ANKS1B: variants seen among roughly 807,000 people sequenced by gnomAD.
ANKS1B encodes the protein ankyrin repeat and sterile alpha motif domain-containing protein 1B.
A neutral mutation model predicts 148.3 loss-of-function variants in ANKS1B; 36 were observed. The observed-to-expected ratio is 0.24, with a 90% CI of 0.19 to 0.32. The LOEUF is 0.32. Ranked by LOEUF, ANKS1B falls within the 10% of genes least tolerant of loss-of-function variation. The pLI, the probability that ANKS1B is intolerant of heterozygous loss-of-function variation, is 1.00. For missense variants in ANKS1B, 1,157 were observed against 1,542.6 expected (o/e 0.75, Z 4.19); for synonymous variants, 542 against 560.8 (o/e 0.97, Z 0.47).
intron 9 of ANKS1B, among the ~76,000 whole-genome samples, chr12:98,737,297 T>C (rs1420076822): frequency 2.6e-5 from 4 of 152,226 alleles, no homozygotes; most frequent in African/African-American, 9.6e-5. Flanking sequence ...TTCTCTTCTG[T>C]AGCTTTGTGT....
intron 16 of ANKS1B, among the ~76,000 whole-genome samples, chr12:99,084,355 C>T (rs1364375592): frequency 1.3e-5 from 2 of 152,118 alleles, no homozygotes; most frequent in Non-Finnish European, 1.5e-5. Flanking sequence ...TATTAGGACT[C>T]TCACTGAAGA....
At chr12:99,069,739 T>C (rs1364198088) in intron 16 of ANKS1B, among the ~76,000 whole-genome samples, 1 of 152,240 alleles carries the variant, frequency 6.6e-6, no homozygotes, top group African/African-American at 2.4e-5. Flanking sequence ...ATCTATTAAC[T>C]GAATGTCTAT....
chr12:99,882,420 A>G (rs1220087234), intron 1 of ANKS1B, among the ~76,000 whole-genome samples: 1 of 152,220 alleles, frequency 6.6e-6, no homozygotes, highest in Non-Finnish European at 1.5e-5. Flanking sequence ...AGTTCAGTGA[A>G]CTCCAAAAAG....
intron 17 of ANKS1B, among the ~76,000 whole-genome samples, chr12:98,876,164 T>C (rs532390538): frequency 3.2e-4 from 48 of 152,318 alleles, no homozygotes; most frequent in African/African-American, 1.1e-3. Flanking sequence ...GGCTGATGTC[T>C]AACAGCCTCA....
At chr12:98,943,234 T>TTAATCTG (rs1446257926) in intron 17 of ANKS1B, among the ~76,000 whole-genome samples, 1 of 152,220 alleles carries the variant, frequency 6.6e-6, no homozygotes, top group Non-Finnish European at 1.5e-5. Flanking sequence ...GACTGGATCT[T>TTAATCTG]GTTCAGCCTT....
At chr12:99,890,549 C>G (rs1404620237) in intron 1 of ANKS1B, among the ~76,000 whole-genome samples, 2 of 149,512 alleles carry the variant, frequency 1.3e-5, no homozygotes, top group Non-Finnish European at 3.0e-5. Flanking sequence ...TAAAATAAGT[C>G]TCTTTCTCAC....
rs2095428449 is a variant in ANKS1B at position 99,434,474 on chromosome 12, T to C, written c.1575+9199A>G. 2.0e-5 allele frequency among the ~76,000 whole-genome samples: 3 copies of C among 152,300 alleles called. No homozygotes were observed. The South Asian group carries it at 6.2e-4, about 32-fold the overall frequency. On this transcript the variant is annotated intron_variant, in intron 11 of 26. Transcript: ENST00000683438. ...GGCTTATTTAACAAGTTATCCTTAC[T>C]AATAGGCATTAAGGTTTCCAATAAA...
Position 99,246,703 on chromosome 12 carries a change from T to C in ANKS1B, c.1918A>G (p.Ser640Gly). Reference sequence around the variant, plus strand: ...AAAGGCAAAGGACTGTTTGCCAAACTGACTTCATCTTGTCCTTTTTCACAT... The same window carrying C: ...AAAGGCAAAGGACTGTTTGCCAAACCGACTTCATCTTGTCCTTTTTCACAT... ...EQCEKGQDEV[S>G]LANSPLPFKQ... is the part of the protein sequence containing the mutation. The change falls in exon 13 of 27, where the codon AGT (serine) becomes GGT (glycine). Residue 640 changes from serine to glycine, a missense_variant. Around this residue, in one of 6 missense-constraint regions of ANKS1B, gnomAD observed 661 missense variants for 642.1 expected, o/e 1.03. Transcript: ENST00000683438. The C allele has an allele frequency of 6.2e-7, 1 of 1,613,992 alleles. No homozygotes were observed. Among genetic ancestry groups the C allele is most frequent in the Non-Finnish European group, 8.5e-7 (1 of 1,179,888 alleles).
rs1367696462 is a variant in ANKS1B at position 99,246,485 on chromosome 12, T to C, written c.2136A>G (p.Arg712=). 5 of 1,613,766 alleles carry C rather than the reference T, an allele frequency of 3.1e-6. No homozygotes were observed. In the African/African-American group the frequency reaches 5.3e-5, roughly 17 times the overall value. The change falls in exon 13 of 27, where the codon AGA becomes AGG. Residue 712 remains arginine (R), a synonymous_variant. Coordinates refer to ENST00000683438, the MANE Select transcript of ANKS1B (RefSeq NM_001352186.2). ...WVMNAGGFVE[R]ACTLGRIRSL... ...ACCTTATTCTCCCCAGAGTACAGGC[T>C]CTCTCCACAAATCCCCCTGCGTTCA...
In ANKS1B at chr12:99,024,764, T is replaced by C. The variant is rs531385987; in HGVS notation, c.2778+28393A>G. ...AAAGGACTCAGTTAGGAGCGTACTT[T>C]AGATTTGCAAATTAACCAAGTTGTG... On this transcript the variant is annotated intron_variant, in intron 17 of 26. Coordinates refer to ENST00000683438, the MANE Select transcript of ANKS1B (RefSeq NM_001352186.2). Among the ~76,000 whole-genome samples the C allele has an allele frequency of 4.6e-5, 7 of 152,318 alleles. No homozygotes were observed. In the East Asian group the frequency reaches 1.3e-3, roughly 29 times the overall value.
At chr12:99,405,103 A>G (rs2094500723) in intron 11 of ANKS1B, among the ~76,000 whole-genome samples, 1 of 145,956 alleles carries the variant, frequency 6.9e-6, no homozygotes, top group Non-Finnish European at 1.5e-5. Flanking sequence ...CAGACAAACA[A>G]AAGTTGAGAA....
chr12:98,989,957 A>G (rs2099925583), intron 17 of ANKS1B, among the ~76,000 whole-genome samples: 1 of 151,940 alleles, frequency 6.6e-6, no homozygotes, highest in South Asian at 2.1e-4. Flanking sequence ...AAAGAAGGAA[A>G]GAAAATAAAA....
intron 16 of ANKS1B, among the ~76,000 whole-genome samples, chr12:99,078,621 G>A (rs2153608003): frequency 6.6e-6 from 1 of 152,254 alleles, no homozygotes; most frequent in African/African-American, 2.4e-5. Context: ...AGGAAATAAA[G>A]GGTGTTTTTT....
At chr12:99,865,693 A>G (rs1052381814) in intron 1 of ANKS1B, among the ~76,000 whole-genome samples, 4 of 152,206 alleles carry the variant, frequency 2.6e-5, no homozygotes, top group African/African-American at 7.2e-5. Context: ...TAGGAGGAAA[A>G]AGAAGGCTGA....
At chr12:99,055,657 C>T (rs1050157722) in intron 16 of ANKS1B, among the ~76,000 whole-genome samples, 14 of 151,868 alleles carry the variant, frequency 9.2e-5, no homozygotes, top group African/African-American at 3.1e-4. Flanking sequence ...CCTTTCTTGT[C>T]CCAATGCCAG....
chr12:99,870,502 A>G (rs2091372407), intron 1 of ANKS1B, among the ~76,000 whole-genome samples: 1 of 152,118 alleles, frequency 6.6e-6, no homozygotes, highest in South Asian at 2.1e-4. Flanking sequence ...TATTTGAGAA[A>G]TATCCCACCT....
At chr12:99,664,093 T>C (rs2098492737) in intron 8 of ANKS1B, among the ~76,000 whole-genome samples, 1 of 152,018 alleles carries the variant, frequency 6.6e-6, no homozygotes, top group Non-Finnish European at 1.5e-5. Flanking sequence ...GCCAATTTTA[T>C]GCACAATACG....
intron 9 of ANKS1B, among the ~76,000 whole-genome samples, chr12:99,526,771 G>A (rs1467486541): frequency 2.6e-5 from 4 of 152,202 alleles, no homozygotes; most frequent in Non-Finnish European, 4.4e-5. Context: ...CTTTGGGTAT[G>A]ATATGGGTTA....
At chr12:99,244,278 TA>T in intron 14 of ANKS1B, 63 bp downstream of exon 14, 3 of 1,118,196 alleles carry the variant, frequency 2.7e-6, no homozygotes, top group Non-Finnish European at 3.9e-6. Flanking sequence ...TAAAGATTCC[TA>T]TCATTTTCTC....
Sources: allele counts gnomAD v4.1 joint callset (sites outside exome capture counted in the v4.1 genomes callset), GRCh38; gene constraint gnomAD v4.1.1; regional missense constraint gnomAD v4.1.1; transcripts MANE v1.5; gene names NCBI Gene and HGNC (gene_info 2026-07-23, HGNC 2026-07-21).